TRMT11: variants seen among roughly 807,000 people sequenced by gnomAD.
TRMT11 encodes the protein tRNA (guanine(10)-N(2))-methyltransferase TRMT11.
TRMT11 carries 53 observed loss-of-function variants against 62.8 expected under a neutral mutation model. The observed-to-expected ratio is 0.84, with a 90% CI of 0.68 to 1.06. The LOEUF is 1.06. Ranked by LOEUF, TRMT11 falls within the 50% of genes least tolerant of loss-of-function variation. The pLI is 0.00. For missense variants in TRMT11, 556 were observed against 553.4 expected (o/e 1.00, Z -0.05); for synonymous variants, 188 against 190.3 (o/e 0.99, Z 0.10).
At chr6:126,237,171 C>T in the TRMT11 span, among the ~76,000 whole-genome samples, 6 of 151,926 alleles carry the variant, frequency 3.9e-5, no homozygotes, top group African/African-American at 9.7e-5. Context: ...AGAGCCTTTC[C>T]GGGAAACCAG....
At chr6:126,160,830 T>C (rs1248283945) in intron 21 of TRMT11, among the ~76,000 whole-genome samples, 2 of 152,292 alleles carry the variant, frequency 1.3e-5, no homozygotes, top group Non-Finnish European at 2.9e-5. Context: ...CTCCAAACAA[T>C]AATCTTCTTT....
At chr6:126,224,981 C>T in the TRMT11 span, among the ~76,000 whole-genome samples, 3 of 152,148 alleles carry the variant, frequency 2.0e-5, no homozygotes, top group Admixed American at 1.3e-4. Flanking sequence ...CGAGTCTGCA[C>T]TGCAAGTGGG....
At chr6:126,205,174 C>G (rs1778777749), downstream of TRMT11, among the ~76,000 whole-genome samples, 1 of 152,156 alleles carries the variant, frequency 6.6e-6, no homozygotes, top group South Asian at 2.1e-4. Context: ...AAAATTCAAT[C>G]ACTTTTTATT....
At chr6:126,077,674 C>A (rs1217181646) in intron 17 of TRMT11, among the ~76,000 whole-genome samples, 1 of 152,128 alleles carries the variant, frequency 6.6e-6, no homozygotes, top group African/African-American at 2.4e-5. Context: ...TGTTGTCAAC[C>A]AATCATTGAG....
At chr6:126,258,562 CTT>C in the TRMT11 span, among the ~76,000 whole-genome samples, 1 of 152,232 alleles carries the variant, frequency 6.6e-6, no homozygotes, top group East Asian at 1.9e-4. Flanking sequence ...TTTTCTCACT[CTT>C]TGGTCTGTTC....
chr6:126,105,296 G>C (rs898143645), intron 17 of TRMT11, among the ~76,000 whole-genome samples: 12 of 152,180 alleles, frequency 7.9e-5, no homozygotes, highest in African/African-American at 2.9e-4. Flanking sequence ...CCCAGCAAGA[G>C]ACGGGGTGGT....
chr6:126,257,869 G>A, the TRMT11 span: 3 of 1,300,926 alleles, frequency 2.3e-6, no homozygotes, highest in Non-Finnish European at 3.3e-6. Context: ...TTGCTATGAG[G>A]TCGGGGGGAC....
At chr6:126,105,506 C>A (rs577827593) in intron 17 of TRMT11, among the ~76,000 whole-genome samples, 1 of 152,168 alleles carries the variant, frequency 6.6e-6, no homozygotes, top group African/African-American at 2.4e-5. Context: ...ACCTGGAAGC[C>A]AGATGATGCG....
chr6:126,138,105 G>T (rs1025153897), intron 21 of TRMT11, among the ~76,000 whole-genome samples: 2 of 150,198 alleles, frequency 1.3e-5, no homozygotes, highest in Non-Finnish European at 2.9e-5. Context: ...AGCTAGAAAA[G>T]AAGAATTATA....
chr6:126,056,170 C>T (rs1010795849), intron 17 of TRMT11, among the ~76,000 whole-genome samples: 22 of 152,180 alleles, frequency 1.4e-4, no homozygotes. Context: ...CTTTCCTTAG[C>T]TATCTCTCTT....
At chr6:126,023,065 G>C (rs1796055852) in intron 12 of TRMT11, among the ~76,000 whole-genome samples, 2 of 152,126 alleles carry the variant, frequency 1.3e-5, no homozygotes, top group South Asian at 4.1e-4. Context: ...TTCTTAAAAT[G>C]ATTTTACTGG....
chr6:125,986,586 C>T lies in TRMT11; in HGVS notation c.36C>T (p.Leu12=). ...CGTGTACCCTTAACAGGTATCTGCT[C>T]CTCATGGCGCAGGAGCATCTGGAGT... ...ALSCTLNRYL[L]LMAQEHLEFR... is the part of the protein sequence containing the mutation. The change falls in exon 1 of 13, where the codon CTC becomes CTT. Residue 12 remains leucine, a synonymous_variant. Coordinates refer to ENST00000334379, the MANE Select transcript of TRMT11 (RefSeq NM_001031712.3). The T allele has an allele frequency of 1.3e-6, 2 of 1,589,360 alleles. No homozygotes were observed. The highest frequency in any genetic ancestry group is 1.1e-5 in the South Asian group (1 of 87,158).
At chr6:125,993,945 A>G (rs920133122) in intron 2 of TRMT11, 123 bp downstream of exon 2, 4 of 498,766 alleles carry the variant, frequency 8.0e-6, no homozygotes, top group African/African-American at 2.0e-5. Context: ...TTCAAGAGGC[A>G]GTGGAATAAA....
At chr6:126,063,172 GTTTA>G (rs1313720332) in intron 17 of TRMT11, among the ~76,000 whole-genome samples, 1 of 151,772 alleles carries the variant, frequency 6.6e-6, no homozygotes, top group African/African-American at 2.4e-5. Flanking sequence ...TTATTGACTT[GTTTA>G]TTTCATTCTA....
intron 17 of TRMT11, among the ~76,000 whole-genome samples, chr6:126,068,938 G>A (rs1239960181): frequency 6.6e-6 from 1 of 152,198 alleles, no homozygotes; most frequent in Admixed American, 6.5e-5. Flanking sequence ...ACAGAAGTCT[G>A]GCATTGGTTT....
intron 21 of TRMT11, among the ~76,000 whole-genome samples, chr6:126,154,872 C>T (rs776446512): frequency 3.3e-5 from 5 of 152,154 alleles, no homozygotes; most frequent in Admixed American, 2.0e-4. Flanking sequence ...AACTGATGCT[C>T]GTGCACCCTT....
downstream of TRMT11, among the ~76,000 whole-genome samples, chr6:126,202,653 T>C (rs533807551): frequency 6.6e-6 from 1 of 152,272 alleles, no homozygotes; most frequent in South Asian, 2.1e-4. Flanking sequence ...TGTTAACAGC[T>C]AGACCAAGGC....
At chr6:126,258,447 C>G in the TRMT11 span, 43 of 296,508 alleles carry the variant, frequency 1.5e-4, no homozygotes, top group Middle Eastern at 1.2e-3. Flanking sequence ...CTCCGCTCTG[C>G]GCAGCTCCAC....
chr6:126,198,321 A>C (rs1778691626), intron 1 of TRMT11, among the ~76,000 whole-genome samples: 1 of 152,192 alleles, frequency 6.6e-6, no homozygotes, highest in Admixed American at 6.5e-5. Context: ...ACTGTCTATC[A>C]AACAAATTTG....
Sources: allele counts gnomAD v4.1 joint callset (sites outside exome capture counted in the v4.1 genomes callset), GRCh38; gene constraint gnomAD v4.1.1; transcripts MANE v1.5; gene names NCBI Gene and HGNC (gene_info 2026-07-23, HGNC 2026-07-21).